The following B3GALT1 variants were observed in gnomAD, a reference collection of about 807,000 sequenced individuals.
B3GALT1 encodes beta-1,3-galactosyltransferase 1.
B3GALT1 carries 10 observed loss-of-function variants against 23.2 expected under a neutral mutation model. The observed-to-expected ratio is 0.43, with a 90% CI of 0.27 to 0.73. B3GALT1 has a LOEUF of 0.73. B3GALT1 is among the 30% of genes least tolerant of loss of function. B3GALT1 has a pLI of 0.21. For synonymous variants in B3GALT1, 156 were observed against 141.5 expected (o/e 1.10, Z -0.73); for missense variants, 299 against 405.4 (o/e 0.74, Z 2.25).
At chr2:167,499,834 T>C (rs918570253) in intron 2 of B3GALT1, among the ~76,000 whole-genome samples, 1 of 152,062 alleles carries the variant, frequency 6.6e-6, no homozygotes, top group Non-Finnish European at 1.5e-5. Context: ...AAAATAACAA[T>C]GTAGGTAGAG....
intron 3 of B3GALT1, among the ~76,000 whole-genome samples, chr2:167,668,631 T>C (rs9287884): frequency 2.0e-5 from 3 of 152,140 alleles, no homozygotes; most frequent in South Asian, 2.1e-4. Flanking sequence ...CTCCAAGCCA[T>C]GTGGGGGATA....
intron 1 of B3GALT1, among the ~76,000 whole-genome samples, chr2:167,345,358 A>G (rs1251555279): frequency 6.6e-6 from 1 of 152,082 alleles, no homozygotes; most frequent in Non-Finnish European, 1.5e-5. Context: ...TCTAATGGAG[A>G]TTGCTACTGA....
chr2:167,375,013 A>G (rs938061932), intron 1 of B3GALT1, among the ~76,000 whole-genome samples: 2 of 152,144 alleles, frequency 1.3e-5, no homozygotes, highest in African/African-American at 4.8e-5. Context: ...ATTTTTGGAT[A>G]TGGCGAAAGA....
intron 4 of B3GALT1, among the ~76,000 whole-genome samples, chr2:167,821,273 C>G (rs1689099909): frequency 6.6e-6 from 1 of 151,994 alleles, no homozygotes; most frequent in African/African-American, 2.4e-5. Context: ...TGGGACTCAT[C>G]ATAGGCCCTT....
intron 1 of B3GALT1, among the ~76,000 whole-genome samples, chr2:167,449,083 A>AT (rs1177323193): frequency 1.3e-5 from 2 of 151,816 alleles, no homozygotes; most frequent in Non-Finnish European, 2.9e-5. Flanking sequence ...TCTGAGGGCT[A>AT]TTTTTTTGTT....
intron 3 of B3GALT1, among the ~76,000 whole-genome samples, chr2:167,806,870 G>C (rs931905307): frequency 6.6e-6 from 1 of 152,292 alleles, no homozygotes; most frequent in Admixed American, 6.5e-5. Context: ...CTATTGATTA[G>C]AATAGTTTCA....
At chr2:167,596,710 G>C (rs963364352) in intron 2 of B3GALT1, among the ~76,000 whole-genome samples, 3 of 152,016 alleles carry the variant, frequency 2.0e-5, no homozygotes, top group African/African-American at 7.3e-5. Flanking sequence ...AAATAATAAA[G>C]CATGCATTAA....
At chr2:167,335,205 G>A (rs1210458204) in intron 1 of B3GALT1, among the ~76,000 whole-genome samples, 1 of 151,608 alleles carries the variant, frequency 6.6e-6, no homozygotes, top group Non-Finnish European at 1.5e-5. Flanking sequence ...AACGGTGGGC[G>A]GGGAGGGGGG....
intron 2 of B3GALT1, among the ~76,000 whole-genome samples, chr2:167,532,722 T>A (rs984209507): frequency 6.7e-6 from 1 of 150,366 alleles, no homozygotes; most frequent in Non-Finnish European, 1.5e-5. Context: ...ATTTTTAGGT[T>A]TTTTTTAATT....
chr2:167,800,845 C>T (rs1487642349), intron 3 of B3GALT1, among the ~76,000 whole-genome samples: 2 of 152,180 alleles, frequency 1.3e-5, no homozygotes, highest in Admixed American at 6.5e-5. Context: ...ACAGCTTTCA[C>T]GTCTTCGCCT....
chr2:167,377,053 T>G (rs1242201113), intron 1 of B3GALT1, among the ~76,000 whole-genome samples: 2 of 152,154 alleles, frequency 1.3e-5, no homozygotes, highest in Non-Finnish European at 2.9e-5. Context: ...CTGTTTTCTT[T>G]TATTTCAAAA....
At chr2:167,509,171 G>A (rs1699966977) in intron 2 of B3GALT1, among the ~76,000 whole-genome samples, 1 of 152,194 alleles carries the variant, frequency 6.6e-6, no homozygotes, top group South Asian at 2.1e-4. Flanking sequence ...CTAAGCAATA[G>A]TAGAAAGTTA....
intron 4 of B3GALT1, among the ~76,000 whole-genome samples, chr2:167,832,245 C>T (rs1286898782): frequency 6.6e-6 from 1 of 152,190 alleles, no homozygotes; most frequent in East Asian, 1.9e-4. Flanking sequence ...TCTCTAAATA[C>T]TCCAGGCTTC....
At chr2:167,647,229 A>C (rs73015464) in intron 3 of B3GALT1, among the ~76,000 whole-genome samples, 6,351 of 152,264 alleles carry the variant, frequency 0.042, 454 homozygotes, top group African/African-American at 0.15. Flanking sequence ...AGATGCATGT[A>C]TGCACAAATT....
At chr2:167,803,105 CA>C (rs1370404745) in intron 3 of B3GALT1, among the ~76,000 whole-genome samples, 3 of 151,128 alleles carry the variant, frequency 2.0e-5, no homozygotes, top group African/African-American at 7.4e-5. Context: ...CACACACACA[CA>C]CACACACACA....
At chr2:167,682,137 C>T (rs1208870073) in intron 3 of B3GALT1, among the ~76,000 whole-genome samples, 1 of 152,126 alleles carries the variant, frequency 6.6e-6, no homozygotes, top group Non-Finnish European at 1.5e-5. Context: ...GGTGTCCATC[C>T]TCTTCTCTCT....
intron 2 of B3GALT1, among the ~76,000 whole-genome samples, chr2:167,642,336 C>T (rs950963151): frequency 1.3e-5 from 2 of 152,024 alleles, no homozygotes; most frequent in South Asian, 2.1e-4. Context: ...ATTCATGTGC[C>T]GTAAAACCAG....
intron 3 of B3GALT1, among the ~76,000 whole-genome samples, chr2:167,762,589 A>T (rs1329416021): frequency 6.6e-6 from 1 of 151,958 alleles, no homozygotes; most frequent in Non-Finnish European, 1.5e-5. Context: ...ATAAAAAAAA[A>T]AAAAAAACAC....
intron 3 of B3GALT1, among the ~76,000 whole-genome samples, chr2:167,660,695 A>G (rs538264444): frequency 7.9e-5 from 12 of 152,260 alleles, no homozygotes; most frequent in African/African-American, 2.9e-4. Context: ...CCACACCCCT[A>G]TAAGCAGATA....
Sources: gnomAD v4.1 joint callset for allele counts (sites outside exome capture counted in the v4.1 genomes callset) on GRCh38, gnomAD v4.1.1 for gene constraint, MANE v1.5 for transcripts, NCBI Gene and HGNC (gene_info 2026-07-23, HGNC 2026-07-21) for gene names.